Variants in PCDHA13 observed in about 807,000 individuals in gnomAD.
The protein encoded by PCDHA13 is protocadherin alpha 13, also known as protocadherin alpha-13.
PCDHA13 carries 54 observed loss-of-function variants against 64.8 expected under a neutral mutation model. That is an observed-to-expected ratio of 0.83 (90% CI 0.67 to 1.04). The LOEUF (loss-of-function observed/expected upper bound fraction) is 1.04, where lower values mean the gene tolerates loss of function less well. Ranked by LOEUF, PCDHA13 falls within the 50% of genes least tolerant of loss-of-function variation. The pLI, the probability that PCDHA13 is intolerant of heterozygous loss-of-function variation, is 0.00. For missense variants in PCDHA13, 1,248 were observed against 1,254.3 expected, an observed-to-expected ratio of 0.99 and a Z score of 0.08; for synonymous variants, 587 against 564.4, an observed-to-expected ratio of 1.04 and a Z score of -0.57.
chr5:140,971,414 AT>A (rs2096477673), intron 1 of PCDHA13, among the ~76,000 whole-genome samples: 1 of 152,166 alleles, frequency 6.6e-6, no homozygotes, highest in African/African-American at 2.4e-5. Flanking sequence ...ACTTTTGGAA[AT>A]CCAGTGAAGA....
chr5:141,009,760 A>T lies in PCDHA13; in HGVS notation c.2676A>T (p.Gly892=), dbSNP rs782167920. The change falls in exon 4 of 4, where the codon GGA becomes GGT. Residue 892 remains glycine, a synonymous_variant. Transcript: ENST00000289272. ...TGCCCGACAAATTCATTATCCCAGG[A>T]TCTCCTGCAATCATCTCCATCCGGC... ...GELPDKFIIP[G]SPAIISIRQE... is the part of the protein sequence containing the mutation. 1.9e-6 allele frequency: 3 copies of T among 1,614,130 alleles called. No individual in the cohort carries two copies. Among genetic ancestry groups the T allele is most frequent in the Admixed American group, 3.3e-5 (2 of 60,020 alleles).
intron 1 of PCDHA13, among the ~76,000 whole-genome samples, chr5:140,893,497 G>GA (rs1157700367): frequency 4.1e-4 from 62 of 150,170 alleles, no homozygotes; most frequent in African/African-American, 1.2e-3. Context: ...TCACAAAAAA[G>GA]AAAAAAAAAG....
intron 1 of PCDHA13, among the ~76,000 whole-genome samples, chr5:140,895,413 C>G (rs141941836): frequency 6.6e-6 from 1 of 152,122 alleles, no homozygotes; most frequent in Non-Finnish European, 1.5e-5. Flanking sequence ...GCCCCATAAC[C>G]TTCTTTTGCT....
chr5:140,942,255 A>G (rs2093254394), intron 1 of PCDHA13, among the ~76,000 whole-genome samples: 1 of 152,194 alleles, frequency 6.6e-6, no homozygotes, highest in Non-Finnish European at 1.5e-5. Context: ...TCATTAAAAG[A>G]TATCTAAAGC....
chr5:140,929,414 A>C, intron 1 of PCDHA13: 1 of 1,504,422 alleles, frequency 6.6e-7, no homozygotes. Flanking sequence ...GCCTTTCACA[A>C]CATTTCATCA....
At chr5:140,947,969 C>T (rs1159851699) in intron 1 of PCDHA13, among the ~76,000 whole-genome samples, 1 of 151,182 alleles carries the variant, frequency 6.6e-6, no homozygotes, top group African/African-American at 2.4e-5. Context: ...TAAGTATGTG[C>T]TACTCATAGG....
intron 1 of PCDHA13, among the ~76,000 whole-genome samples, chr5:140,954,197 G>T (rs2153701837): frequency 6.6e-6 from 1 of 152,270 alleles, no homozygotes; most frequent in Non-Finnish European, 1.5e-5. Context: ...ATGGGCATTT[G>T]GGTTGATCCC....
At chr5:140,967,609 C>T (rs1026350659) in intron 1 of PCDHA13, 26 of 1,614,056 alleles carry the variant, frequency 1.6e-5, no homozygotes, top group Middle Eastern at 1.6e-4. Flanking sequence ...AGCTGAATGC[C>T]TCAGACCCGG....
Position 140,883,341 on chromosome 5 carries a change from C to A in PCDHA13, c.1073C>A (p.Pro358His), listed in dbSNP as rs144000682. The A allele has an allele frequency of 4.3e-5, 70 of 1,614,144 alleles. No homozygotes were observed. The African/African-American group carries it at 9.1e-4, about 21-fold the overall frequency. Reference protein sequence around the residue: ...PEVTITSLSLPIREDTQPSAI... With the variant: ...PEVTITSLSLHIREDTQPSAI... The stretch of plus-strand genomic sequence containing the variant: ...GTTACCATCACTTCTTTGTCACTCC[C>A]CATCAGAGAAGACACTCAGCCTAGC... Residue 358 changes from proline (P) to histidine (H), a missense_variant, in exon 1 of 4, where the codon CCC (proline) becomes CAC (histidine). Transcript: ENST00000289272.
chr5:140,883,247 A>C lies in PCDHA13; in HGVS notation c.979A>C (p.Asn327His). The C allele has an allele frequency of 6.2e-7, 1 of 1,614,084 alleles. No individual in the cohort carries two copies. Among genetic ancestry groups the C allele is most frequent in the Non-Finnish European group, 8.5e-7 (1 of 1,180,026 alleles). The change falls in exon 1 of 4, where the codon AAT (asparagine) becomes CAT (histidine). Residue 327 changes from asparagine to histidine, a missense_variant. Transcript: ENST00000289272. ...ATCCGTGGAGGCAGTTGACAAAGGA[A>C]ATATTCCAATGGCGGGTCATTGTAC... is the stretch of plus-strand genomic sequence containing the variant. Reference protein sequence around the residue: ...EISVEAVDKGNIPMAGHCTLL... With the variant: ...EISVEAVDKGHIPMAGHCTLL...
rs1554204719 is a variant in PCDHA13, at chr5:140,927,550, A to G, written c.2394+42888A>G. 4.3e-6 allele frequency: 7 copies of G among 1,614,020 alleles called. No homozygotes were observed. In the Admixed American group the frequency reaches 8.3e-5, roughly 19 times the overall value. ...TGCCCGCTCAGGAGACGCACAAGTC[A>G]CCATCATTGTGGTGGACACAAATGA... On this transcript the variant is annotated intron_variant, in intron 1 of 3. Coordinates refer to ENST00000289272, the MANE Select transcript of PCDHA13 (RefSeq NM_018904.3).
chr5:140,996,198 G>T (rs2097716643), intron 3 of PCDHA13, among the ~76,000 whole-genome samples: 1 of 152,168 alleles, frequency 6.6e-6, no homozygotes, highest in Non-Finnish European at 1.5e-5. Context: ...TACCCTCAAT[G>T]CAAGGATATC....
In PCDHA13 at chr5:141,009,796, T is replaced by C; in HGVS notation, c.2712T>C (p.Thr904=). The C allele has an allele frequency of 6.2e-7, 1 of 1,614,046 alleles. No individual in the cohort carries two copies. The highest frequency in any genetic ancestry group is 8.5e-7 in the Non-Finnish European group (1 of 1,180,016). Residue 904 remains threonine (T), a synonymous_variant, in exon 4 of 4, where the codon ACT becomes ACC. Coordinates refer to ENST00000289272, the MANE Select transcript of PCDHA13 (RefSeq NM_018904.3). ...PAIISIRQEP[T]NSQIDKSDFI... ...TCATCTCCATCCGGCAGGAGCCTACTAACAGCCAAATTGACAAAAGTGACT... is the reference window on the plus strand; with the variant it reads ...TCATCTCCATCCGGCAGGAGCCTACCAACAGCCAAATTGACAAAAGTGACT...
chr5:140,964,168 G>A (rs928554352), intron 1 of PCDHA13, among the ~76,000 whole-genome samples: 1 of 152,166 alleles, frequency 6.6e-6, no homozygotes, highest in Non-Finnish European at 1.5e-5. Flanking sequence ...TGTGAGGAAC[G>A]AAATCATTAT....
chr5:140,887,624 GT>G (rs1369272233), intron 1 of PCDHA13, among the ~76,000 whole-genome samples: 1 of 151,558 alleles, frequency 6.6e-6, no homozygotes, highest in Non-Finnish European at 1.5e-5. Flanking sequence ...TTTTCTTTAT[GT>G]TAGTCTGTTG....
At chr5:140,914,973 G>A (rs1166162661) in intron 1 of PCDHA13, among the ~76,000 whole-genome samples, 2 of 140,450 alleles carry the variant, frequency 1.4e-5, no homozygotes, top group Non-Finnish European at 3.0e-5. Context: ...CTGAGTCAGA[G>A]TCTTGCTCTG....
chr5:140,937,160 C>T lies in PCDHA13; in HGVS notation c.2395-41789C>T, dbSNP rs767846084. Among the ~76,000 whole-genome samples the T allele has an allele frequency of 1.0e-3, 155 of 151,762 alleles. 1 individual carries two copies. Among genetic ancestry groups the T allele is most frequent in the Admixed American group, 4.7e-3 (71 of 15,248 alleles). ...TCATGCCATTCTCCTGCCTCAGCCT[C>T]CCGAGTAGCTGGGACTACAGGCGCC... On this transcript the variant is annotated intron_variant, in intron 1 of 3. Coordinates refer to ENST00000289272, the MANE Select transcript of PCDHA13 (RefSeq NM_018904.3).
chr5:140,950,323 A>G (rs1400315467), intron 1 of PCDHA13, among the ~76,000 whole-genome samples: 1 of 152,046 alleles, frequency 6.6e-6, no homozygotes, highest in Non-Finnish European at 1.5e-5. Context: ...TAATGCATAT[A>G]TGCTGCAGTG....
At chr5:140,926,685 A>C in intron 1 of PCDHA13, 1 of 665,408 alleles carries the variant, frequency 1.5e-6, no homozygotes, top group Non-Finnish European at 2.3e-6. Context: ...CCTCCAGCCT[A>C]GCAAGCCCGG....
Sources: allele counts gnomAD v4.1 joint callset (sites outside exome capture counted in the v4.1 genomes callset), GRCh38; gene constraint gnomAD v4.1.1; transcripts MANE v1.5; gene names NCBI Gene and HGNC (gene_info 2026-07-23, HGNC 2026-07-21).